Variants in GPM6B observed in about 807,000 individuals in gnomAD.
GPM6B encodes neuronal membrane glycoprotein M6-b.
Under a neutral mutation model 27.2 loss-of-function variants are expected in GPM6B, and 4 were observed. The observed-to-expected ratio is 0.15, with a 90% CI of 0.07 to 0.34. The LOEUF (loss-of-function observed/expected upper bound fraction) is 0.34. Among genes scored for constraint, GPM6B ranks in the 10% least tolerant of loss-of-function variants. GPM6B has a pLI of 1.00. For synonymous variants in GPM6B, 124 were observed against 103.1 expected, an observed-to-expected ratio of 1.20 and a Z score of -1.23; for missense variants, 183 against 261.9, an observed-to-expected ratio of 0.70 and a Z score of 2.08.
chrX:13,817,534 TG>T (rs1277361889), upstream of GPM6B, among the ~76,000 whole-genome samples: 12 of 112,544 alleles, frequency 1.1e-4, no homozygotes, highest in Non-Finnish European at 1.5e-4. Flanking sequence ...CTTTCCTGTG[TG>T]GTCCATTTAT....
intron 1 of GPM6B, among the ~76,000 whole-genome samples, chrX:13,879,741 T>C (rs987847343): frequency 4.5e-5 from 5 of 112,133 alleles, no homozygotes; most frequent in African/African-American, 1.3e-4. Flanking sequence ...CAATCATCTC[T>C]AGCAGCAAAA....
rs772408754 is a variant in GPM6B, at chrX:13,828,325, T to C, written c.-197-42517A>G. 5.4e-5 allele frequency among the ~76,000 whole-genome samples: 6 copies of C among 110,308 alleles called. No individual in the cohort carries two copies. In the South Asian group the frequency reaches 2.4e-3, roughly 44 times the overall value. On this transcript the variant is annotated intron_variant, in intron 1 of 6. Coordinates refer to the GPM6B transcript ENST00000398361. ...TGAATGGATTATCATGGGAGGGTAC[T>C]GGTGGTTTCATAAGAAGAGGAAGAG...
At chrX:13,886,223 C>G (rs1418166074) in intron 1 of GPM6B, among the ~76,000 whole-genome samples, 1 of 111,774 alleles carries the variant, frequency 8.9e-6, no homozygotes, top group Non-Finnish European at 1.9e-5. Flanking sequence ...GCTAATGAAT[C>G]AGAAAGCAAA....
In GPM6B at chrX:13,772,660, CT is replaced by C; in HGVS notation, c.*220del. 1 of 339,954 alleles carries C rather than the reference CT, an allele frequency of 2.9e-6. No homozygotes were observed. Among genetic ancestry groups the C allele is most frequent in the Non-Finnish European group, 5.2e-6 (1 of 194,112 alleles). 28.0% of individuals were successfully genotyped at this position (339,954 alleles called of 1,213,427 possible). ...AACGATCATTTTGTCAAAGTGTTGC[CT>C]TTTAAAATGGCTAACATGAAACCTC... is the stretch of plus-strand genomic sequence containing the variant. On this transcript the variant is annotated 3_prime_UTR_variant, in exon 8 of 8. Coordinates refer to ENST00000316715, the MANE Select transcript of GPM6B (RefSeq NM_001001995.3).
At chrX:13,774,224 G>A in intron 7 of GPM6B, 3 of 772,660 alleles carry the variant, frequency 3.9e-6, no homozygotes, top group Non-Finnish European at 4.6e-6. Context: ...GAAAATGTAA[G>A]TATTCCAAAG....
intron 1 of GPM6B, among the ~76,000 whole-genome samples, chrX:13,898,546 T>C (rs2050252978): frequency 1.8e-5 from 2 of 112,374 alleles, no homozygotes; most frequent in South Asian, 3.7e-4. Context: ...TCATGGGTGA[T>C]GCCAATGCAC....
rs2049772375 is a variant in GPM6B, at chrX:13,855,663, T to G, written c.-197-69855A>C. On this transcript the variant is annotated intron_variant, in intron 1 of 6. Coordinates refer to the GPM6B transcript ENST00000398361. ...TACGGTCAAGTATGCAAAGGTCAAGTTTACAACTTGATGAGTTTTACACAC... is the reference window on the plus strand; with the variant it reads ...TACGGTCAAGTATGCAAAGGTCAAGGTTACAACTTGATGAGTTTTACACAC... Among the ~76,000 whole-genome samples the G allele has an allele frequency of 2.7e-5, 3 of 111,872 alleles. No homozygotes were observed. In the South Asian group the frequency reaches 1.1e-3, roughly 42 times the overall value.
At chrX:13,921,581 CTT>C (rs35264990) in intron 1 of GPM6B, among the ~76,000 whole-genome samples, 4 of 92,815 alleles carry the variant, frequency 4.3e-5, no homozygotes, top group Admixed American at 2.4e-4. Flanking sequence ...AACCCCCCCC[CTT>C]TTTTTTTTTT....
At chrX:13,799,344 C>G (rs1379328431) in intron 2 of GPM6B, among the ~76,000 whole-genome samples, 3 of 104,727 alleles carry the variant, frequency 2.9e-5, no homozygotes, top group African/African-American at 1.0e-4. Flanking sequence ...TCCCAAGTAG[C>G]TGGGACTACA....
At chrX:13,821,458 G>A (rs998782715), upstream of GPM6B, among the ~76,000 whole-genome samples, 2 of 112,542 alleles carry the variant, frequency 1.8e-5, no homozygotes, top group African/African-American at 6.5e-5. Context: ...ACCAAGGTGA[G>A]GGAATCCCAT....
chrX:13,927,054 A>G (rs1411441988), intron 1 of GPM6B, among the ~76,000 whole-genome samples: 2 of 111,903 alleles, frequency 1.8e-5, no homozygotes, highest in African/African-American at 6.5e-5. Context: ...CAGAAGGCAT[A>G]AAGAACTACT....
chrX:13,884,599 C>T (rs2050116682), intron 1 of GPM6B, among the ~76,000 whole-genome samples: 1 of 112,273 alleles, frequency 8.9e-6, no homozygotes, highest in East Asian at 2.8e-4. Context: ...AACTCTCTAA[C>T]CTAAGGATTC....
chrX:13,855,226 C>T (rs1361614365), intron 1 of GPM6B, among the ~76,000 whole-genome samples: 1 of 112,212 alleles, frequency 8.9e-6, no homozygotes, highest in Non-Finnish European at 1.9e-5. Flanking sequence ...ACAATGCTGG[C>T]CAGGCTGGTC....
intron 6 of GPM6B, 152 bp from the exon 7 acceptor site, chrX:13,776,455 T>C (rs1223576494): frequency 9.2e-6 from 4 of 436,966 alleles, no homozygotes; most frequent in Non-Finnish European, 1.6e-5. Flanking sequence ...GGCCTCATGG[T>C]GGAATCACCC....
chrX:13,915,278 T>TAA lies in GPM6B; in HGVS notation c.-198+23047_-198+23048dup, dbSNP rs57417145. 6.4e-3 allele frequency among the ~76,000 whole-genome samples: 512 copies of TAA among 80,466 alleles called. 12 individuals carry two copies. The highest frequency in any genetic ancestry group is 0.062 in the Admixed American group (384 of 6,163). 69.9% of individuals were successfully genotyped at this position (80,466 alleles called of 115,157 possible). A position where few individuals can be genotyped will look rare whatever the true frequency, so the allele number is the denominator to read the frequency against. The stretch of plus-strand genomic sequence containing the variant: ...CCATACCCCGTCTCTAAAAAATGTG[T>TAA]AAAAAAAAAAAAAAAAAAAAAAGGT... On this transcript the variant is annotated intron_variant, in intron 1 of 6. Coordinates refer to the GPM6B transcript ENST00000398361.
chrX:13,890,316 T>C (rs1262081325), intron 1 of GPM6B, among the ~76,000 whole-genome samples: 2 of 111,840 alleles, frequency 1.8e-5, no homozygotes, highest in East Asian at 5.6e-4. Flanking sequence ...AGGGGAGGCA[T>C]GAATAATCCA....
chrX:13,857,977 G>A (rs972883920), intron 1 of GPM6B, among the ~76,000 whole-genome samples: 19 of 112,607 alleles, frequency 1.7e-4, no homozygotes, highest in African/African-American at 6.1e-4. Flanking sequence ...GAAACTGAAA[G>A]AATACCAGGA....
chrX:13,869,612 T>A (rs943808857), intron 1 of GPM6B, among the ~76,000 whole-genome samples: 4 of 111,680 alleles, frequency 3.6e-5, no homozygotes, highest in African/African-American at 9.8e-5. Flanking sequence ...CCCTTGGACT[T>A]CTTTACTCTC....
intron 6 of GPM6B, 24 bp from the exon 7 acceptor site, chrX:13,776,327 A>C: frequency 8.7e-7 from 1 of 1,152,554 alleles, no homozygotes; most frequent in Non-Finnish European, 1.2e-6. Context: ...GGGCATCAAC[A>C]TAAGCATTTG....
Sources: allele counts gnomAD v4.1 joint callset (sites outside exome capture counted in the v4.1 genomes callset), GRCh38; gene constraint gnomAD v4.1.1; transcripts MANE v1.5; gene names NCBI Gene and HGNC (gene_info 2026-07-23, HGNC 2026-07-21).